The following ROR1 variants were observed in gnomAD, a reference collection of about 807,000 sequenced individuals.
ROR1 encodes inactive tyrosine-protein kinase transmembrane receptor ROR1.
ROR1 carries 19 observed loss-of-function variants against 78.8 expected under a neutral mutation model. The observed-to-expected ratio is 0.24, with a 90% confidence interval of 0.17 to 0.35. ROR1 has a LOEUF of 0.35. ROR1 is among the 10% of genes least tolerant of loss of function. The pLI is 1.00. For synonymous variants in ROR1, 386 were observed against 433.6 expected (o/e 0.89, Z 1.36); for missense variants, 917 against 1,177.8 (o/e 0.78, Z 3.24).
intron 1 of ROR1, among the ~76,000 whole-genome samples, chr1:63,964,941 A>G (rs2100490084): frequency 6.6e-6 from 1 of 152,330 alleles, no homozygotes; most frequent in Non-Finnish European, 1.5e-5. Context: ...AAACCTAGGC[A>G]AGGGATGTGC....
chr1:64,073,669 A>G (rs867751405), intron 4 of ROR1, among the ~76,000 whole-genome samples: 1 of 152,224 alleles, frequency 6.6e-6, no homozygotes, highest in Non-Finnish European at 1.5e-5. Context: ...GTTAGATGCA[A>G]TTAGATCATT....
chr1:63,899,556 G>A (rs867555201), intron 1 of ROR1, among the ~76,000 whole-genome samples: 2 of 151,990 alleles, frequency 1.3e-5, no homozygotes, highest in Non-Finnish European at 2.9e-5. Flanking sequence ...GAATTGCTCC[G>A]AGCCTTAAGC....
chr1:64,132,736 C>A (rs573100697), intron 4 of ROR1, among the ~76,000 whole-genome samples: 2 of 121,550 alleles, frequency 1.6e-5, no homozygotes, highest in Admixed American at 2.3e-4. Flanking sequence ...CTCCAGCCTG[C>A]GCAATGGGAG....
intron 1 of ROR1, among the ~76,000 whole-genome samples, chr1:63,892,224 A>G (rs1010265359): frequency 6.6e-6 from 1 of 152,196 alleles, no homozygotes; most frequent in Non-Finnish European, 1.5e-5. Flanking sequence ...GAAAAGGTAC[A>G]AGGAACGGTT....
chr1:63,908,820 G>A (rs2100413487), intron 1 of ROR1, among the ~76,000 whole-genome samples: 1 of 152,302 alleles, frequency 6.6e-6, no homozygotes, highest in Non-Finnish European at 1.5e-5. Context: ...CAGCAGCCAG[G>A]CCTGATCCGG....
chr1:63,780,582 G>A (rs377740532), intron 1 of ROR1, among the ~76,000 whole-genome samples: 2 of 152,150 alleles, frequency 1.3e-5, no homozygotes, highest in Non-Finnish European at 1.5e-5. Flanking sequence ...GCTTCAAAAC[G>A]ATGGTCCTGC....
At chr1:63,895,384 G>A (rs1048902032) in intron 1 of ROR1, among the ~76,000 whole-genome samples, 1 of 152,122 alleles carries the variant, frequency 6.6e-6, no homozygotes, top group South Asian at 2.1e-4. Flanking sequence ...TGTGGGTAAA[G>A]GCTAACACTC....
At chr1:63,970,678 A>G (rs1646112095) in intron 1 of ROR1, among the ~76,000 whole-genome samples, 1 of 152,252 alleles carries the variant, frequency 6.6e-6, no homozygotes, top group South Asian at 2.1e-4. Flanking sequence ...CTAAGTAAGA[A>G]TAATAGTTAA....
At chr1:64,166,982 T>G (rs1419313395) in intron 8 of ROR1, among the ~76,000 whole-genome samples, 7 of 152,210 alleles carry the variant, frequency 4.6e-5, no homozygotes, top group Non-Finnish European at 1.0e-4. Context: ...AATAGAATCT[T>G]TGTAATAACC....
At chr1:64,120,260 A>G (rs1410398354) in intron 4 of ROR1, among the ~76,000 whole-genome samples, 1 of 152,154 alleles carries the variant, frequency 6.6e-6, no homozygotes, top group Non-Finnish European at 1.5e-5. Flanking sequence ...GGGAGTCAAC[A>G]ATACAAAGGA....
intron 1 of ROR1, among the ~76,000 whole-genome samples, chr1:63,912,284 T>C (rs1645577218): frequency 7.3e-6 from 1 of 136,642 alleles, no homozygotes; most frequent in Admixed American, 8.0e-5. Context: ...TTCAACAGAG[T>C]GAGACCCTAT....
intron 4 of ROR1, among the ~76,000 whole-genome samples, chr1:64,060,862 T>G (rs1285175769): frequency 1.3e-5 from 2 of 152,210 alleles, no homozygotes; most frequent in Non-Finnish European, 2.9e-5. Flanking sequence ...CAAGCTCTTA[T>G]GTACCAATCC....
intron 1 of ROR1, among the ~76,000 whole-genome samples, chr1:63,973,631 T>C (rs1218532476): frequency 1.3e-5 from 2 of 152,084 alleles, no homozygotes; most frequent in South Asian, 2.1e-4. Context: ...GGACACAGGG[T>C]GGCTCAAAAT....
intron 4 of ROR1, among the ~76,000 whole-genome samples, chr1:64,128,306 A>AAG (rs1405034922): frequency 6.6e-6 from 1 of 150,626 alleles, no homozygotes; most frequent in East Asian, 1.9e-4. Flanking sequence ...AAAAAAAAAA[A>AAG]AAAAGTAAAA....
intron 8 of ROR1, among the ~76,000 whole-genome samples, chr1:64,159,655 T>C (rs190248190): frequency 6.7e-6 from 1 of 150,062 alleles, no homozygotes; most frequent in East Asian, 2.0e-4. Flanking sequence ...ATGATTAAGA[T>C]AGTAAATTTT....
At chr1:64,003,706 G>A (rs1646405859) in intron 1 of ROR1, among the ~76,000 whole-genome samples, 1 of 152,196 alleles carries the variant, frequency 6.6e-6, no homozygotes, top group South Asian at 2.1e-4. Flanking sequence ...CACTACTGGG[G>A]AATGTAGCCT....
At chr1:63,841,061 T>C (rs1044934341) in intron 1 of ROR1, among the ~76,000 whole-genome samples, 4 of 152,204 alleles carry the variant, frequency 2.6e-5, no homozygotes, top group African/African-American at 9.7e-5. Context: ...CCAACTAGTT[T>C]ATCATGATGG....
chr1:63,789,187 G>T, intron 1 of ROR1: 1 of 597,868 alleles, frequency 1.7e-6, no homozygotes. Context: ...TTCCAGATCT[G>T]CTGACAGGAG....
intron 2 of ROR1, among the ~76,000 whole-genome samples, chr1:64,010,250 A>G (rs1397127568): frequency 1.4e-5 from 1 of 71,074 alleles, no homozygotes; most frequent in Non-Finnish European, 4.1e-5. Context: ...TGAAACTCCC[A>G]TAGCTCTCTT....
Sources: gnomAD v4.1 joint callset for allele counts (sites outside exome capture counted in the v4.1 genomes callset) on GRCh38, gnomAD v4.1.1 for gene constraint, MANE v1.5 for transcripts, NCBI Gene and HGNC (gene_info 2026-07-23, HGNC 2026-07-21) for gene names.